Variants in MDM2 observed in about 807,000 individuals in gnomAD.
The protein encoded by MDM2 is E3 ubiquitin-protein ligase Mdm2.
MDM2 carries 11 observed loss-of-function variants against 64.3 expected under a neutral mutation model. That is an observed-to-expected ratio of 0.17 (90% CI 0.11 to 0.28). MDM2 has a LOEUF of 0.28. Ranked by LOEUF, MDM2 falls within the 10% of genes least tolerant of loss-of-function variation. The probability of loss-of-function intolerance (pLI) is 1.00; values close to 1 mark genes in which losing one functional copy is unlikely to be tolerated. For missense variants in MDM2, 388 were observed against 577.1 expected, an observed-to-expected ratio of 0.67 and a Z score of 3.36; for synonymous variants, 194 against 192.9, an observed-to-expected ratio of 1.01 and a Z score of -0.05.
intron 4 of MDM2, among the ~76,000 whole-genome samples, chr12:68,818,876 G>T (rs535834473): frequency 6.6e-6 from 1 of 151,802 alleles, no homozygotes; most frequent in Non-Finnish European, 1.5e-5. Context: ...GATTACAGGT[G>T]CACACTACTA....
intron 8 of MDM2, among the ~76,000 whole-genome samples, chr12:68,834,730 C>T (rs1169803606): frequency 6.6e-6 from 1 of 152,082 alleles, no homozygotes; most frequent in Non-Finnish European, 1.5e-5. Flanking sequence ...GAGCAAGATT[C>T]CATCTCAAAA....
intron 7 of MDM2, among the ~76,000 whole-genome samples, chr12:68,827,758 T>C (rs1469672326): frequency 2.6e-5 from 4 of 152,232 alleles, no homozygotes; most frequent in African/African-American, 9.6e-5. Flanking sequence ...TTGTCTAACA[T>C]TCTGACCCAT....
chr12:68,829,882 T>C (rs971332289), intron 8 of MDM2, among the ~76,000 whole-genome samples: 1 of 152,168 alleles, frequency 6.6e-6, no homozygotes, highest in African/African-American at 2.4e-5. Flanking sequence ...TCTTAAGAGA[T>C]GTCACTGAAA....
At chr12:68,831,984 C>T (rs752591665) in intron 8 of MDM2, among the ~76,000 whole-genome samples, 7 of 152,234 alleles carry the variant, frequency 4.6e-5, no homozygotes, top group South Asian at 4.1e-4. Context: ...ACAGGAGAAT[C>T]GCTTGAACCC....
intron 2 of MDM2, among the ~76,000 whole-genome samples, chr12:68,809,532 G>A (rs3730495): frequency 0.3 from 44,831 of 151,916 alleles, 7,991 homozygotes; most frequent in Non-Finnish European, 0.41. Context: ...GTTAAGCGTG[G>A]TTGAAGTTAC....
rs1883633834 is a variant in MDM2, at chr12:68,840,083, CTG to C, written c.*236_*237del. The C allele has an allele frequency of 4.3e-6, 2 of 467,074 alleles. No homozygotes were observed. Among genetic ancestry groups the C allele is most frequent in the Non-Finnish European group, 7.5e-6 (2 of 267,792 alleles). The allele number at this position is 467,074 out of a possible 1,614,324, so 28.9% of individuals were successfully genotyped here. A position where few individuals can be genotyped will look rare whatever the true frequency, so the allele number is the denominator to read the frequency against. On this transcript the variant is annotated 3_prime_UTR_variant, in exon 11 of 11. Coordinates refer to ENST00000258149, the MANE Select transcript of MDM2 (RefSeq NM_002392.6). ...CTCCTAATTTTAAATAATTTCTACTCTGTCTTAAATGAGAAGTACTTGGTTTT... is the reference window on the plus strand; with the variant it reads ...CTCCTAATTTTAAATAATTTCTACTCTCTTAAATGAGAAGTACTTGGTTTT...
In MDM2 at chr12:68,824,425, C is replaced by G. The variant is rs759861388; in HGVS notation, c.421C>G (p.Gln141Glu). 5.0e-6 allele frequency: 8 copies of G among 1,612,994 alleles called. No individual in the cohort carries two copies. The Admixed American group carries it at 1.3e-4, about 27-fold the overall frequency. The change falls in exon 6 of 11, where the codon CAA becomes GAA. Residue 141 changes from glutamine (Q) to glutamate (E), a missense_variant. Coordinates refer to ENST00000258149, the MANE Select transcript of MDM2 (RefSeq NM_002392.6). ...NRCHLEGGSD[Q>E]KDLVQELQEE... Reference sequence around the variant, plus strand: ...GTGTCACCTTGAAGGTGGGAGTGATCAAAAGGTAATCTAAGTAAATTTCTC... The same window carrying G: ...GTGTCACCTTGAAGGTGGGAGTGATGAAAAGGTAATCTAAGTAAATTTCTC...
rs893330356 is a variant in MDM2 at position 68,841,033 on chromosome 12, A to G, written c.*1184A>G. The stretch of plus-strand genomic sequence containing the variant: ...TGATTTTTTTGTATTTTTAGTAAAG[A>G]CAGGGTTTCACCATGTTAGCCAGGC... On this transcript the variant is annotated 3_prime_UTR_variant, in exon 11 of 11. Coordinates refer to ENST00000258149, the MANE Select transcript of MDM2 (RefSeq NM_002392.6). The G allele has an allele frequency of 1.1e-5, 2 of 178,870 alleles. No individual in the cohort carries two copies. Among genetic ancestry groups the G allele is most frequent in the Non-Finnish European group, 2.4e-5 (2 of 83,798 alleles). The allele number at this position is 178,870 out of a possible 1,614,324, so 11.1% of individuals were successfully genotyped here. A position where few individuals can be genotyped will look rare whatever the true frequency, so the allele number is the denominator to read the frequency against.
At chr12:68,830,984 A>C (rs1882744640) in intron 8 of MDM2, among the ~76,000 whole-genome samples, 1 of 152,162 alleles carries the variant, frequency 6.6e-6, no homozygotes, top group African/African-American at 2.4e-5. Context: ...TACAGATGTG[A>C]GCCACCTGCC....
chr12:68,809,396 T>A (rs1006687740), intron 2 of MDM2, 104 bp downstream of exon 2: 1 of 1,039,704 alleles, frequency 9.6e-7, no homozygotes, highest in Non-Finnish European at 1.5e-6. Flanking sequence ...TAAATAAAAT[T>A]GTATGTGCAT....
chr12:68,811,534 T>C (rs184372017), intron 2 of MDM2, among the ~76,000 whole-genome samples: 18 of 152,274 alleles, frequency 1.2e-4, no homozygotes, highest in African/African-American at 4.3e-4. Flanking sequence ...CTATTATCTT[T>C]TATAGCTGTT....
intron 4 of MDM2, among the ~76,000 whole-genome samples, chr12:68,819,457 G>A (rs1467785189): frequency 6.6e-6 from 1 of 152,112 alleles, no homozygotes; most frequent in South Asian, 2.1e-4. Context: ...TGTATTTATT[G>A]AATGAATGAG....
intron 3 of MDM2, 90 bp from the exon 4 acceptor site, chr12:68,816,721 AC>A (rs1365660486): frequency 2.8e-6 from 3 of 1,080,312 alleles, no homozygotes; most frequent in Non-Finnish European, 3.9e-6. Context: ...CTGGTTGTTT[AC>A]CCCTATTCAG....
chr12:68,808,546 C>T lies in MDM2; in HGVS notation c.14+55C>T, dbSNP rs2870820. 592,193 of 1,610,530 alleles carry T rather than the reference C, an allele frequency of 0.37. 115,369 individuals carry two copies. The highest frequency in any genetic ancestry group is 0.41 in the Non-Finnish European group (478,996 of 1,177,778). On this transcript the variant is annotated intron_variant, in intron 1 of 10. Coordinates refer to ENST00000258149, the MANE Select transcript of MDM2 (RefSeq NM_002392.6). ...TGGGTCTGGGCTCTGACGGTGTCCC[C>T]TCTATCGCTGGTTCCCAGCCTCTGC...
chr12:68,835,822 G>T lies in MDM2; in HGVS notation c.685-7G>T, dbSNP rs1361579917. On this transcript the variant is annotated splice_region_variant and splice_polypyrimidine_tract_variant and intron_variant, in intron 8 of 10. Transcript: ENST00000258149. Reference sequence around the variant, plus strand: ...TTATTAAGTTATATATTTTTTTCTTGTTTTAGGATCTTGATGCTGGTGTAA... The same window carrying T: ...TTATTAAGTTATATATTTTTTTCTTTTTTTAGGATCTTGATGCTGGTGTAA... 6.2e-7 allele frequency: 1 copy of T among 1,608,636 alleles called. No individual in the cohort carries two copies. Among genetic ancestry groups the T allele is most frequent in the African/African-American group, 1.3e-5 (1 of 74,674 alleles).
At chr12:68,809,314 A>G (rs925565426) in intron 2 of MDM2, 22 bp downstream of exon 2, 1 of 1,590,508 alleles carries the variant, frequency 6.3e-7, no homozygotes, top group Non-Finnish European at 8.6e-7. Context: ...TGTCTCGTGT[A>G]ACTTTTAAGA....
downstream of MDM2, chr12:68,847,269 C>G (rs1884384174): frequency 7.2e-6 from 1 of 138,274 alleles, no homozygotes; most frequent in African/African-American, 2.9e-5. Context: ...AACTCCTGGG[C>G]TCAAGCAATC....
intron 2 of MDM2, 69 bp downstream of exon 2, chr12:68,809,361 A>C: frequency 1.5e-6 from 2 of 1,355,240 alleles, no homozygotes; most frequent in Non-Finnish European, 2.1e-6. Flanking sequence ...TAAATTTCGT[A>C]TACCTCAATT....
chr12:68,845,227 A>G lies in MDM2; in HGVS notation c.*5378A>G, dbSNP rs1001205748. Reference sequence around the variant, plus strand: ...TTATAAAAAGAAAAAGTATTTCTTCAGCTTAAAAAATTGTTTAAAAGTTTG... The same window carrying G: ...TTATAAAAAGAAAAAGTATTTCTTCGGCTTAAAAAATTGTTTAAAAGTTTG... On this transcript the variant is annotated 3_prime_UTR_variant, in exon 11 of 11. Coordinates refer to ENST00000258149, the MANE Select transcript of MDM2 (RefSeq NM_002392.6). The G allele has an allele frequency of 1.4e-5, 3 of 217,194 alleles. No homozygotes were observed. Among genetic ancestry groups the G allele is most frequent in the Admixed American group, 1.2e-4 (2 of 17,250 alleles). 13.5% of individuals were successfully genotyped at this position (217,194 alleles called of 1,614,324 possible). A position where few individuals can be genotyped will look rare whatever the true frequency, so the allele number is the denominator to read the frequency against.
Sources: gnomAD v4.1 joint callset for allele counts (sites outside exome capture counted in the v4.1 genomes callset) on GRCh38, gnomAD v4.1.1 for gene constraint, MANE v1.5 for transcripts, NCBI Gene and HGNC (gene_info 2026-07-23, HGNC 2026-07-21) for gene names.